Variants in CPNE4 observed in about 807,000 individuals in gnomAD.
CPNE4 encodes copine-4.
In CPNE4, 25 loss-of-function variants were observed where a neutral mutation model predicts 67.9. The ratio of observed to expected loss-of-function variants is 0.37; its 90% CI spans 0.27 to 0.51. The LOEUF (loss-of-function observed/expected upper bound fraction) is 0.51. CPNE4 is among the 20% of genes least tolerant of loss of function. CPNE4 has a pLI of 0.93. For missense variants in CPNE4, 464 were observed against 690.8 expected, an observed-to-expected ratio of 0.67 and a Z score of 3.68; for synonymous variants, 242 against 244.9, an observed-to-expected ratio of 0.99 and a Z score of 0.11.
In CPNE4 at chr3:131,615,909, ACACACACACACACACACACG is replaced by A. The variant is rs1463032747; in HGVS notation, c.682-28347_682-28328del. On this transcript the variant is annotated intron_variant, in intron 7 of 15. Transcript: ENST00000429747. ...CTCTCTCTCACACACACACACACAC[ACACACACACACACACACACG>A]CACACACACACACACACACACAAAA... 2.5e-3 allele frequency among the ~76,000 whole-genome samples: 249 copies of A among 98,774 alleles called. 1 individual carries two copies. The highest frequency in any genetic ancestry group is 0.016 in the African/African-American group (229 of 14,270). 64.8% of individuals were successfully genotyped at this position (98,774 alleles called of 152,430 possible). A position where few individuals can be genotyped will look rare whatever the true frequency, so the allele number is the denominator to read the frequency against.
intron 2 of CPNE4, among the ~76,000 whole-genome samples, chr3:131,740,645 GT>G (rs2082335172): frequency 1.3e-5 from 2 of 152,102 alleles, no homozygotes; most frequent in South Asian, 4.1e-4. Flanking sequence ...TTAGGATACT[GT>G]CTTAGCTAGT....
chr3:131,641,795 A>G (rs557517282), intron 7 of CPNE4, among the ~76,000 whole-genome samples: 91 of 152,274 alleles, frequency 6.0e-4, no homozygotes, highest in Non-Finnish European at 1.2e-3. Flanking sequence ...AAATTGTGGT[A>G]TTTATATATA....
chr3:131,805,132 T>C (rs2084262680), intron 2 of CPNE4, among the ~76,000 whole-genome samples: 1 of 152,152 alleles, frequency 6.6e-6, no homozygotes, highest in Non-Finnish European at 1.5e-5. Context: ...CTCATTCCCA[T>C]CCAATCAGCC....
chr3:131,649,404 A>C (rs144173910), intron 7 of CPNE4, among the ~76,000 whole-genome samples: 52 of 152,316 alleles, frequency 3.4e-4, no homozygotes, highest in Admixed American at 7.8e-4. Flanking sequence ...ACCCAGGAGA[A>C]AAAGCTAGTT....
At chr3:131,935,188 T>C (rs2071187284) in intron 1 of CPNE4, among the ~76,000 whole-genome samples, 1 of 152,164 alleles carries the variant, frequency 6.6e-6, no homozygotes, top group Non-Finnish European at 1.5e-5. Flanking sequence ...TCTTTGAATG[T>C]CAGCAAGTAG....
chr3:132,018,570 ATCTG>A (rs1433430649), intron 1 of CPNE4, among the ~76,000 whole-genome samples: 1 of 152,156 alleles, frequency 6.6e-6, no homozygotes, highest in East Asian at 1.9e-4. Flanking sequence ...CTTTATGTCT[ATCTG>A]TCTGTGTCCA....
chr3:131,792,636 C>T (rs565647421), intron 2 of CPNE4, among the ~76,000 whole-genome samples: 5,215 of 65,546 alleles, frequency 0.08, 441 homozygotes, highest in East Asian at 0.12. Context: ...TATATACACA[C>T]GTGTATATAT....
chr3:131,859,251 G>T (rs2086578155), intron 2 of CPNE4, among the ~76,000 whole-genome samples: 1 of 152,060 alleles, frequency 6.6e-6, no homozygotes, highest in African/African-American at 2.4e-5. Context: ...TCTAAAATAT[G>T]AGAATTTATA....
At chr3:131,853,220 CAAAT>C (rs921408761) in intron 2 of CPNE4, among the ~76,000 whole-genome samples, 6 of 151,526 alleles carry the variant, frequency 4.0e-5, no homozygotes, top group African/African-American at 1.5e-4. Flanking sequence ...TAAGGATAGA[CAAAT>C]AGATAAATGG....
At chr3:131,663,829 A>T (rs1424717938) in intron 7 of CPNE4, among the ~76,000 whole-genome samples, 1 of 152,134 alleles carries the variant, frequency 6.6e-6, no homozygotes, top group African/African-American at 2.4e-5. Flanking sequence ...TTCACCCCTT[A>T]GTGGGTTCCT....
At chr3:131,785,323 G>T (rs923621484) in intron 2 of CPNE4, among the ~76,000 whole-genome samples, 1 of 151,944 alleles carries the variant, frequency 6.6e-6, no homozygotes, top group African/African-American at 2.4e-5. Flanking sequence ...TGCCTTGAAG[G>T]CTTCCTTTGT....
intron 1 of CPNE4, among the ~76,000 whole-genome samples, chr3:131,943,440 G>A (rs2071458047): frequency 6.6e-6 from 1 of 152,140 alleles, no homozygotes; most frequent in Non-Finnish European, 1.5e-5. Context: ...CACAGGACCT[G>A]ATACAGATCT....
rs191095067 is a variant in CPNE4, at chr3:131,987,623, C to T, written c.-2+46944G>A. 2.3e-3 allele frequency among the ~76,000 whole-genome samples: 356 copies of T among 151,896 alleles called. 1 individual carries two copies. Among genetic ancestry groups the T allele is most frequent in the Non-Finnish European group, 3.8e-3 (260 of 67,930 alleles). The stretch of plus-strand genomic sequence containing the variant: ...GGCTGGTCTCGAACTCCTGACCTCA[C>T]GTGATCCACCCCCCTTGGCCTCCCA... On this transcript the variant is annotated intron_variant, in intron 1 of 15. Transcript: ENST00000429747.
chr3:131,557,858 G>A (rs1936547867), intron 11 of CPNE4, among the ~76,000 whole-genome samples: 1 of 151,976 alleles, frequency 6.6e-6, no homozygotes, highest in African/African-American at 2.4e-5. Context: ...CCTGAAGTAA[G>A]GCTTTTCTGG....
At chr3:131,872,627 T>C (rs2107697233) in intron 2 of CPNE4, among the ~76,000 whole-genome samples, 1 of 152,348 alleles carries the variant, frequency 6.6e-6, no homozygotes, top group Non-Finnish European at 1.5e-5. Context: ...CCCTGTGACC[T>C]AGTCAAGTTG....
At chr3:131,947,058 C>G (rs79656593) in intron 1 of CPNE4, among the ~76,000 whole-genome samples, 1,966 of 152,252 alleles carry the variant, frequency 0.013, 21 homozygotes, top group Non-Finnish European at 0.019. Context: ...TCCTACTGGT[C>G]TATTTATCTA....
intron 2 of CPNE4, among the ~76,000 whole-genome samples, chr3:131,743,419 C>T (rs1301197313): frequency 6.6e-6 from 1 of 152,172 alleles, no homozygotes; most frequent in African/African-American, 2.4e-5. Flanking sequence ...CAATTAATTT[C>T]ATGGTACAAG....
intron 2 of CPNE4, among the ~76,000 whole-genome samples, chr3:131,846,666 CT>C (rs1415027686): frequency 6.6e-6 from 1 of 152,178 alleles, no homozygotes. Context: ...AATAAACTGG[CT>C]GCTTTGTGAA....
At position 131,534,235 on chromosome 3, in the gene CPNE4, G is replaced by A. The variant is rs1450888320; in HGVS notation, c.*960C>T. 1 of 152,252 alleles carries A rather than the reference G, an allele frequency of 6.6e-6. No individual in the cohort carries two copies. The highest frequency in any genetic ancestry group is 1.5e-5 in the Non-Finnish European group (1 of 68,082). 9.4% of individuals were successfully genotyped at this position (152,252 alleles called of 1,614,324 possible). A position where few individuals can be genotyped will look rare whatever the true frequency, so the allele number is the denominator to read the frequency against. ...GGAGCACTTTCTAGTCTTATCTAAG[G>A]AAGAGGTGTGAGTATAAAGCAGCGA... On this transcript the variant is annotated 3_prime_UTR_variant, in exon 16 of 16. Transcript: ENST00000429747.
Sources: gnomAD v4.1 joint callset for allele counts (sites outside exome capture counted in the v4.1 genomes callset) on GRCh38, gnomAD v4.1.1 for gene constraint, MANE v1.5 for transcripts, NCBI Gene and HGNC (gene_info 2026-07-23, HGNC 2026-07-21) for gene names.